DIAPH3: variants seen among roughly 807,000 people sequenced by gnomAD.
DIAPH3 encodes the protein protein diaphanous homolog 3.
A neutral mutation model predicts 144.3 loss-of-function variants in DIAPH3; 117 were observed. The observed-to-expected ratio is 0.81, with a 90% CI of 0.70 to 0.95. DIAPH3 has a LOEUF of 0.95. Ranked by LOEUF, DIAPH3 falls within the 40% of genes least tolerant of loss-of-function variation. The probability of loss-of-function intolerance (pLI) is 0.00; values close to 1 mark genes in which losing one functional copy is unlikely to be tolerated. For missense variants in DIAPH3, 1,421 were observed against 1,412.7 expected (o/e 1.01, Z -0.09); for synonymous variants, 519 against 488.9 (o/e 1.06, Z -0.81).
At chr13:59,716,466 T>C (rs371568438) in intron 27 of DIAPH3, among the ~76,000 whole-genome samples, 22 of 152,244 alleles carry the variant, frequency 1.4e-4, no homozygotes, top group South Asian at 6.2e-4. Flanking sequence ...TGAGCCACCG[T>C]GCCCGGCCCC....
At chr13:60,042,295 A>G (rs751306117) in intron 5 of DIAPH3, among the ~76,000 whole-genome samples, 1 of 152,190 alleles carries the variant, frequency 6.6e-6, no homozygotes, top group Non-Finnish European at 1.5e-5. Context: ...CTACAACGAC[A>G]TCATTTCCAA....
At chr13:59,712,537 G>A (rs928814008) in intron 27 of DIAPH3, among the ~76,000 whole-genome samples, 2 of 152,078 alleles carry the variant, frequency 1.3e-5, no homozygotes, top group African/African-American at 2.4e-5. Flanking sequence ...TCCAGCCATC[G>A]ACTCGGGCCC....
intron 14 of DIAPH3, among the ~76,000 whole-genome samples, chr13:59,978,619 T>G (rs1256051279): frequency 1.3e-5 from 2 of 151,658 alleles, no homozygotes; most frequent in Non-Finnish European, 3.0e-5. Context: ...AGTTTCCACA[T>G]CCTCGCCTAT....
intron 2 of DIAPH3, among the ~76,000 whole-genome samples, chr13:60,132,074 T>A (rs1484970224): frequency 1.3e-5 from 2 of 152,236 alleles, no homozygotes; most frequent in Non-Finnish European, 2.9e-5. Context: ...TATATGTAAA[T>A]ATGCTTTTCT....
intron 20 of DIAPH3, among the ~76,000 whole-genome samples, chr13:59,897,347 A>C (rs183471675): frequency 2.0e-4 from 30 of 152,376 alleles, no homozygotes; most frequent in Non-Finnish European, 3.4e-4. Context: ...CAAAGAGAAT[A>C]ACTCTACGAC....
At chr13:59,678,303 G>T (rs2032752744) in intron 27 of DIAPH3, among the ~76,000 whole-genome samples, 1 of 152,000 alleles carries the variant, frequency 6.6e-6, no homozygotes, top group Non-Finnish European at 1.5e-5. Context: ...TTAGTTTCAT[G>T]TATTTCTAGA....
At chr13:59,928,322 G>T (rs1040450702) in intron 17 of DIAPH3, among the ~76,000 whole-genome samples, 3 of 151,760 alleles carry the variant, frequency 2.0e-5, no homozygotes, top group African/African-American at 7.3e-5. Context: ...TGTGTTCTCT[G>T]CGCTTCACTG....
intron 17 of DIAPH3, among the ~76,000 whole-genome samples, chr13:59,937,818 G>A (rs903740828): frequency 6.6e-6 from 1 of 152,068 alleles, no homozygotes; most frequent in African/African-American, 2.4e-5. Context: ...GCAGGGGAGG[G>A]GACGGGAAGC....
intron 25 of DIAPH3, among the ~76,000 whole-genome samples, chr13:59,783,524 A>T (rs901550922): frequency 6.6e-6 from 1 of 152,202 alleles, no homozygotes; most frequent in Non-Finnish European, 1.5e-5. Flanking sequence ...TAATACATTC[A>T]ACTTAGAAGC....
chr13:59,847,932 A>C (rs1383329212), intron 22 of DIAPH3, among the ~76,000 whole-genome samples: 1 of 152,156 alleles, frequency 6.6e-6, no homozygotes, highest in East Asian at 1.9e-4. Context: ...CACTTTTCCA[A>C]TTAGAATTTA....
intron 1 of DIAPH3, among the ~76,000 whole-genome samples, chr13:60,144,419 G>A (rs570343463): frequency 1.1e-4 from 17 of 152,280 alleles, no homozygotes; most frequent in Admixed American, 2.6e-4. Context: ...TGTAAACAAG[G>A]TAGACACCTG....
chr13:60,078,192 A>T (rs896142506), intron 4 of DIAPH3, among the ~76,000 whole-genome samples: 4 of 152,122 alleles, frequency 2.6e-5, no homozygotes, highest in Non-Finnish European at 5.9e-5. Flanking sequence ...CTTTTCCTCC[A>T]AGTGCAACAC....
intron 5 of DIAPH3, among the ~76,000 whole-genome samples, chr13:60,021,811 T>A (rs575985937): frequency 3.3e-5 from 5 of 152,074 alleles, no homozygotes; most frequent in African/African-American, 7.2e-5. Context: ...AGAAAAGAAG[T>A]AAGAATCTTA....
At chr13:60,029,665 T>C (rs2054643117) in intron 5 of DIAPH3, among the ~76,000 whole-genome samples, 1 of 152,200 alleles carries the variant, frequency 6.6e-6, no homozygotes, top group Non-Finnish European at 1.5e-5. Flanking sequence ...ATTGTAAGTT[T>C]CCTGAGGCCT....
At chr13:59,903,485 G>A (rs1335859393) in intron 20 of DIAPH3, among the ~76,000 whole-genome samples, 1 of 151,874 alleles carries the variant, frequency 6.6e-6, no homozygotes, top group Non-Finnish European at 1.5e-5. Context: ...AGTACCATGA[G>A]TAGTCACACT....
intron 27 of DIAPH3, among the ~76,000 whole-genome samples, chr13:59,736,652 C>T (rs1280781873): frequency 6.6e-6 from 1 of 151,948 alleles, no homozygotes; most frequent in African/African-American, 2.4e-5. Context: ...GAACTAGAAA[C>T]AAAAATTTAA....
chr13:60,055,087 T>C (rs992306678), intron 4 of DIAPH3, among the ~76,000 whole-genome samples: 1 of 151,864 alleles, frequency 6.6e-6, no homozygotes, highest in African/African-American at 2.4e-5. Flanking sequence ...TGCCTATAAT[T>C]TGGAAGCTGG....
intron 9 of DIAPH3, among the ~76,000 whole-genome samples, chr13:60,006,131 C>G (rs889115991): frequency 6.6e-6 from 1 of 152,172 alleles, no homozygotes; most frequent in Non-Finnish European, 1.5e-5. Context: ...CAAGTTCATA[C>G]TCATCAATTT....
chr13:59,912,437 T>A (rs558872177), intron 19 of DIAPH3, among the ~76,000 whole-genome samples: 25 of 152,302 alleles, frequency 1.6e-4, no homozygotes, highest in African/African-American at 6.0e-4. Context: ...TGATGATTGA[T>A]ATACCTTGCA....
Sources: allele counts gnomAD v4.1 joint callset (sites outside exome capture counted in the v4.1 genomes callset), GRCh38; gene constraint gnomAD v4.1.1; transcripts MANE v1.5; gene names NCBI Gene and HGNC (gene_info 2026-07-23, HGNC 2026-07-21).